GRID2: variants seen among roughly 807,000 people sequenced by gnomAD.
GRID2 encodes glutamate receptor ionotropic, delta-2.
GRID2 carries 33 observed loss-of-function variants against 114.8 expected under a neutral mutation model. The observed-to-expected ratio is 0.29, with a 90% CI of 0.22 to 0.38. GRID2 has a LOEUF of 0.38. Ranked by LOEUF, GRID2 falls within the 10% of genes least tolerant of loss-of-function variation. The probability of loss-of-function intolerance (pLI) is 1.00; values close to 1 mark genes in which losing one functional copy is unlikely to be tolerated. For missense variants in GRID2, 1,184 were observed against 1,257.7 expected, an observed-to-expected ratio of 0.94 and a Z score of 0.89; for synonymous variants, 505 against 449.9, an observed-to-expected ratio of 1.12 and a Z score of -1.55.
At chr4:92,801,130 G>A (rs910891392) in intron 2 of GRID2, among the ~76,000 whole-genome samples, 2 of 152,006 alleles carry the variant, frequency 1.3e-5, no homozygotes, top group Admixed American at 6.6e-5. Context: ...TACATGAAAT[G>A]TGTCTTTAAG....
chr4:92,842,753 A>G (rs960603608), intron 2 of GRID2, among the ~76,000 whole-genome samples: 1 of 152,144 alleles, frequency 6.6e-6, no homozygotes. Context: ...GATTACAGGC[A>G]TGAGCCACCA....
intron 1 of GRID2, among the ~76,000 whole-genome samples, chr4:92,566,212 G>A (rs371289605): frequency 6.6e-6 from 1 of 151,832 alleles, no homozygotes; most frequent in South Asian, 2.1e-4. Context: ...TCAATGGAGA[G>A]CATCTCAAAA....
At position 93,135,863 on chromosome 4, in the gene GRID2, C is replaced by T. The variant is rs139918726; in HGVS notation, c.735+24910C>T. Among the ~76,000 whole-genome samples the T allele has an allele frequency of 1.1e-4, 16 of 152,102 alleles. No individual in the cohort carries two copies. In the East Asian group the frequency reaches 3.1e-3, roughly 29 times the overall value. On this transcript the variant is annotated intron_variant, in intron 4 of 15. Transcript: ENST00000282020. ...ATTTTATTCTTATATCAAAATCCTG[C>T]CAACAATAACAACAAAATACTTATT...
chr4:92,862,272 G>A (rs1260412076), intron 2 of GRID2, among the ~76,000 whole-genome samples: 1 of 151,910 alleles, frequency 6.6e-6, no homozygotes, highest in African/African-American at 2.4e-5. Context: ...CCCAAATCAA[G>A]GATGTTTTAT....
intron 2 of GRID2, among the ~76,000 whole-genome samples, chr4:92,929,154 A>G (rs1004164408): frequency 6.6e-6 from 1 of 151,430 alleles, no homozygotes; most frequent in African/African-American, 2.4e-5. Context: ...TCTTTAAAGG[A>G]GCCACATCAG....
chr4:93,594,488 A>T (rs2149623927), intron 13 of GRID2, among the ~76,000 whole-genome samples: 1 of 152,200 alleles, frequency 6.6e-6, no homozygotes, highest in South Asian at 2.1e-4. Context: ...AAGTCTGCAG[A>T]GGTTACTGCT....
intron 4 of GRID2, among the ~76,000 whole-genome samples, chr4:93,115,344 C>T (rs1440962875): frequency 6.7e-6 from 1 of 150,244 alleles, no homozygotes; most frequent in Non-Finnish European, 1.5e-5. Flanking sequence ...CCTCAAACAC[C>T]TGAGTTCCTT....
intron 2 of GRID2, among the ~76,000 whole-genome samples, chr4:92,907,029 C>T (rs1748011495): frequency 6.6e-6 from 1 of 152,106 alleles, no homozygotes; most frequent in Non-Finnish European, 1.5e-5. Flanking sequence ...CTGTATGTAG[C>T]ACACTTCTTC....
chr4:93,060,501 C>T (rs892169638), intron 2 of GRID2, among the ~76,000 whole-genome samples: 18 of 152,130 alleles, frequency 1.2e-4, no homozygotes, highest in African/African-American at 3.9e-4. Context: ...CTAGTATCAG[C>T]TTCTGTAGGA....
intron 1 of GRID2, among the ~76,000 whole-genome samples, chr4:93,787,818 T>C (rs1358127846): frequency 1.3e-5 from 2 of 152,200 alleles, no homozygotes; most frequent in East Asian, 1.9e-4. Flanking sequence ...AATACATTCA[T>C]GTATTTACTA....
intron 2 of GRID2, among the ~76,000 whole-genome samples, chr4:92,995,094 CA>C (rs1182281709): frequency 1.3e-5 from 2 of 152,122 alleles, no homozygotes; most frequent in Admixed American, 6.5e-5. Context: ...TTCAGAATTG[CA>C]GCCAAAGCAT....
In GRID2 at chr4:92,384,674, T is replaced by TTA. The variant is rs541360261; in HGVS notation, c.88+79941_88+79942dup. Among the ~76,000 whole-genome samples the TTA allele has an allele frequency of 1.4e-3, 158 of 111,582 alleles. 1 individual carries two copies. Among genetic ancestry groups the TTA allele is most frequent in the African/African-American group, 5.2e-3 (150 of 28,870 alleles). The allele number at this position is 111,582 out of a possible 152,430, so 73.2% of individuals were successfully genotyped here. ...TATATAGACATATTATATACATATATTATATATATATAATATATATGAGAC... is the reference window on the plus strand; with the variant it reads ...TATATAGACATATTATATACATATATTATATATATATATAATATATATGAGAC... On this transcript the variant is annotated intron_variant, in intron 1 of 15. Transcript: ENST00000282020.
chr4:92,918,091 G>A (rs1219178726), intron 2 of GRID2, among the ~76,000 whole-genome samples: 1 of 152,002 alleles, frequency 6.6e-6, no homozygotes, highest in East Asian at 1.9e-4. Flanking sequence ...GGTTTCCTAG[G>A]TATTTTATTC....
chr4:93,776,297 C>G (rs1042523052), downstream of GRID2, among the ~76,000 whole-genome samples: 1 of 152,180 alleles, frequency 6.6e-6, no homozygotes, highest in African/African-American at 2.4e-5. Flanking sequence ...TTGGTAGACA[C>G]TCTGTCAACA....
chr4:92,449,710 T>TATATATATATATATATATA (rs1266661271), intron 1 of GRID2, among the ~76,000 whole-genome samples: 1 of 131,722 alleles, frequency 7.6e-6, no homozygotes, highest in Admixed American at 7.9e-5. Flanking sequence ...TATATATATA[T>TATATATATATATATATATA]AACACTTAAG....
At chr4:92,910,341 T>A (rs572445296) in intron 2 of GRID2, among the ~76,000 whole-genome samples, 50 of 152,256 alleles carry the variant, frequency 3.3e-4, no homozygotes, top group Admixed American at 5.2e-4. Flanking sequence ...GAGGTGCCAA[T>A]TACTTCAGTT....
intron 4 of GRID2, among the ~76,000 whole-genome samples, chr4:93,178,096 G>C (rs904468157): frequency 6.7e-6 from 1 of 148,208 alleles, no homozygotes; most frequent in Non-Finnish European, 1.5e-5. Context: ...ATATAAGCTA[G>C]TGAGCAAGTA....
intron 4 of GRID2, among the ~76,000 whole-genome samples, chr4:93,174,656 A>G (rs1739176750): frequency 6.6e-6 from 1 of 152,124 alleles, no homozygotes; most frequent in Non-Finnish European, 1.5e-5. Context: ...TCTCTGTCAT[A>G]TAAGGACACA....
intron 2 of GRID2, among the ~76,000 whole-genome samples, chr4:92,782,121 A>G (rs1325538731): frequency 6.6e-6 from 1 of 152,070 alleles, no homozygotes; most frequent in East Asian, 1.9e-4. Flanking sequence ...ACAAATGTAT[A>G]TACGAAAATG....
Sources: gnomAD v4.1 joint callset for allele counts (sites outside exome capture counted in the v4.1 genomes callset) on GRCh38, gnomAD v4.1.1 for gene constraint, MANE v1.5 for transcripts, NCBI Gene and HGNC (gene_info 2026-07-23, HGNC 2026-07-21) for gene names.